LMO4: variants seen among roughly 807,000 people sequenced by gnomAD.
The protein encoded by LMO4 is LIM domain only 4, also known as LIM domain transcription factor LMO4.
Under a neutral mutation model 18.5 loss-of-function variants are expected in LMO4, and 3 were observed. The observed-to-expected ratio is 0.16, with a 90% CI of 0.07 to 0.42. The LOEUF (loss-of-function observed/expected upper bound fraction) is 0.42. LMO4 is among the 10% of genes least tolerant of loss of function. The probability of loss-of-function intolerance (pLI) is 0.99; values close to 1 mark genes in which losing one functional copy is unlikely to be tolerated. For synonymous variants in LMO4, 100 were observed against 88.1 expected (o/e 1.14, Z -0.76); for missense variants, 121 against 219.9 (o/e 0.55, Z 2.84).
rs969473985 is a variant in LMO4 at position 87,335,516 on chromosome 1, T to C, written c.236+3265T>C. On this transcript the variant is annotated intron_variant, in intron 2 of 4. Coordinates refer to ENST00000370544, the MANE Select transcript of LMO4 (RefSeq NM_006769.4). Reference sequence around the variant, plus strand: ...CGGGTCGCGCTTTCTTTCCCCGGGCTCCACTCGGGCGGTTCACGTGGCGCC... The same window carrying C: ...CGGGTCGCGCTTTCTTTCCCCGGGCCCCACTCGGGCGGTTCACGTGGCGCC... Among the ~76,000 whole-genome samples, 19 of 151,922 alleles carry C rather than the reference T, an allele frequency of 1.3e-4. 1 individual carries two copies. The highest frequency in any genetic ancestry group is 7.9e-4 in the Admixed American group (12 of 15,264).
At chr1:87,340,938 C>T (rs537556596) in intron 4 of LMO4, among the ~76,000 whole-genome samples, 22 of 152,168 alleles carry the variant, frequency 1.4e-4, no homozygotes, top group Non-Finnish European at 2.4e-4. Context: ...GAAGATATTC[C>T]AGAGGGAAAA....
rs1650674695 is a variant in LMO4, at chr1:87,347,712, ACT to A, written c.*2919_*2920del. 1 of 152,130 alleles carries A rather than the reference ACT, an allele frequency of 6.6e-6. No individual in the cohort carries two copies. Among genetic ancestry groups the A allele is most frequent in the South Asian group, 2.1e-4 (1 of 4,830 alleles). The allele number at this position is 152,130 out of a possible 1,614,324, so 9.4% of individuals were successfully genotyped here. A position where few individuals can be genotyped will look rare whatever the true frequency, so the allele number is the denominator to read the frequency against. On this transcript the variant is annotated 3_prime_UTR_variant, in exon 5 of 5. Coordinates refer to ENST00000370544, the MANE Select transcript of LMO4 (RefSeq NM_006769.4). ...AAATGTCTCAATCATGCAAATTGTC[ACT>A]CTTGTTAATGAAACAATTTTGTAAA...
chr1:87,343,664 A>G (rs1570269638), intron 4 of LMO4, among the ~76,000 whole-genome samples: 1 of 152,246 alleles, frequency 6.6e-6, no homozygotes. Flanking sequence ...GTGTGTGTCC[A>G]TCGTAGAAGA....
intron 2 of LMO4, 59 bp from the exon 3 acceptor site, chr1:87,339,477 C>G: frequency 7.8e-7 from 1 of 1,285,956 alleles, no homozygotes; most frequent in Non-Finnish European, 1.1e-6. Flanking sequence ...GGGTGTTTTT[C>G]TTTCTTTTTC....
chr1:87,339,694 G>A (rs1399610606), intron 3 of LMO4, 62 bp downstream of exon 3: 4 of 1,036,510 alleles, frequency 3.9e-6, no homozygotes, highest in East Asian at 5.1e-5. Context: ...ACCTACATGG[G>A]GGCAAAGCAT....
chr1:87,339,055 A>G (rs1268499592), intron 2 of LMO4, among the ~76,000 whole-genome samples: 1 of 152,198 alleles, frequency 6.6e-6, no homozygotes, highest in Non-Finnish European at 1.5e-5. Flanking sequence ...GTCTGCACTG[A>G]TGGAGGTTTA....
At chr1:87,333,501 C>G (rs1389474534) in intron 2 of LMO4, among the ~76,000 whole-genome samples, 1 of 152,088 alleles carries the variant, frequency 6.6e-6, no homozygotes, top group Non-Finnish European at 1.5e-5. Flanking sequence ...CCTTATCCTG[C>G]GACTAACATT....
At position 87,332,213 on chromosome 1, in the gene LMO4, C is replaced by G; in HGVS notation, c.198C>G (p.Thr66=). Residue 66 remains threonine, a synonymous_variant, in exon 2 of 5, where the codon ACC becomes ACG. Transcript: ENST00000370544. ...QLGDIGTSCY[T]KSGMILCRND... ...GCGACATCGGCACGTCCTGTTACACCAAAAGTGGCATGATCCTTTGCAGAA... is the reference window on the plus strand; with the variant it reads ...GCGACATCGGCACGTCCTGTTACACGAAAAGTGGCATGATCCTTTGCAGAA... The G allele has an allele frequency of 6.2e-7, 1 of 1,614,156 alleles. No individual in the cohort carries two copies. Among genetic ancestry groups the G allele is most frequent in the Non-Finnish European group, 8.5e-7 (1 of 1,179,980 alleles).
At chr1:87,342,199 T>C (rs944436263) in intron 4 of LMO4, among the ~76,000 whole-genome samples, 1 of 152,146 alleles carries the variant, frequency 6.6e-6, no homozygotes, top group Non-Finnish European at 1.5e-5. Flanking sequence ...AGAGATGAGA[T>C]GGAAAATGTT....
chr1:87,331,979 C>G (rs1650168326), intron 1 of LMO4, 34 bp from the exon 2 acceptor site: 2 of 1,561,366 alleles, frequency 1.3e-6, no homozygotes, highest in Non-Finnish European at 1.8e-6. Context: ...CCTGTTTTGT[C>G]TTTCTCTCCC....
In LMO4 at chr1:87,346,662, A is replaced by G. The variant is rs542490243; in HGVS notation, c.*1866A>G. ...TTCAGAGATTCCAGGGCAGGGGAAAAAAAAAATCAGTTGAACTTCAAACCT... is the reference window on the plus strand; with the variant it reads ...TTCAGAGATTCCAGGGCAGGGGAAAGAAAAAATCAGTTGAACTTCAAACCT... On this transcript the variant is annotated 3_prime_UTR_variant, in exon 5 of 5. Transcript: ENST00000370544. 1 of 152,294 alleles carries G rather than the reference A, an allele frequency of 6.6e-6. No homozygotes were observed. Among genetic ancestry groups the G allele is most frequent in the East Asian group, 1.9e-4 (1 of 5,182 alleles). 9.4% of individuals were successfully genotyped at this position (152,294 alleles called of 1,614,324 possible). A position where few individuals can be genotyped will look rare whatever the true frequency, so the allele number is the denominator to read the frequency against.
intron 1 of LMO4, chr1:87,331,752 C>G: frequency 2.0e-6 from 1 of 504,590 alleles, no homozygotes; most frequent in Non-Finnish European, 3.5e-6. Context: ...CTGAAATTGT[C>G]AGCGGCGGCA....
chr1:87,345,562 A>G lies in LMO4; in HGVS notation c.*766A>G, dbSNP rs1229621446. The stretch of plus-strand genomic sequence containing the variant: ...CTAGTATGGTGTATTTAAATAATAA[A>G]AACTTAAAAGAAAAAATATTTAATG... On this transcript the variant is annotated 3_prime_UTR_variant, in exon 5 of 5. Coordinates refer to ENST00000370544, the MANE Select transcript of LMO4 (RefSeq NM_006769.4). 6.6e-6 allele frequency: 1 copy of G among 152,208 alleles called. No homozygotes were observed. Among genetic ancestry groups the G allele is most frequent in the East Asian group, 1.9e-4 (1 of 5,200 alleles). The allele number at this position is 152,208 out of a possible 1,614,324, so 9.4% of individuals were successfully genotyped here.
rs1557618190 is a variant in LMO4 at position 87,346,805 on chromosome 1, CTGTT to C, written c.*2012_*2015del. On this transcript the variant is annotated 3_prime_UTR_variant, in exon 5 of 5. Coordinates refer to ENST00000370544, the MANE Select transcript of LMO4 (RefSeq NM_006769.4). ...ACATATATATGTTTGAATTAGATGT[CTGTT>C]TGAATTAGATCCTTGGGGAATTTCT... The C allele has an allele frequency of 6.6e-6, 1 of 152,186 alleles. No homozygotes were observed. The highest frequency in any genetic ancestry group is 6.5e-5 in the Admixed American group (1 of 15,280). 9.4% of individuals were successfully genotyped at this position (152,186 alleles called of 1,614,324 possible). A position where few individuals can be genotyped will look rare whatever the true frequency, so the allele number is the denominator to read the frequency against.
At chr1:87,336,891 G>C (rs1019892299) in intron 2 of LMO4, among the ~76,000 whole-genome samples, 2 of 152,112 alleles carry the variant, frequency 1.3e-5, no homozygotes, top group Non-Finnish European at 2.9e-5. Flanking sequence ...AGCACCTAAA[G>C]CCTCGAGCCT....
At position 87,345,879 on chromosome 1, in the gene LMO4, G is replaced by A. The variant is rs918806796; in HGVS notation, c.*1083G>A. The A allele has an allele frequency of 6.6e-6, 1 of 152,050 alleles. No individual in the cohort carries two copies. The highest frequency in any genetic ancestry group is 1.5e-5 in the Non-Finnish European group (1 of 68,010). The allele number at this position is 152,050 out of a possible 1,614,324, so 9.4% of individuals were successfully genotyped here. A position where few individuals can be genotyped will look rare whatever the true frequency, so the allele number is the denominator to read the frequency against. The stretch of plus-strand genomic sequence containing the variant: ...AAGTCTTTTGTGTTTATAAATACTT[G>A]AGTGTCCACTATTTTGTTTATTCTT... On this transcript the variant is annotated 3_prime_UTR_variant, in exon 5 of 5. Coordinates refer to ENST00000370544, the MANE Select transcript of LMO4 (RefSeq NM_006769.4).
rs576966074 is a variant in LMO4 at position 87,347,035 on chromosome 1, C to G, written c.*2239C>G. On this transcript the variant is annotated 3_prime_UTR_variant, in exon 5 of 5. Coordinates refer to ENST00000370544, the MANE Select transcript of LMO4 (RefSeq NM_006769.4). ...ATAACTTTAGTAAATAATATATTGT[C>G]GCATTTAATGATGTGGAGGGCTAAG... is the stretch of plus-strand genomic sequence containing the variant. 5 of 152,210 alleles carry G rather than the reference C, an allele frequency of 3.3e-5. No homozygotes were observed. The South Asian group carries it at 1.0e-3, about 32-fold the overall frequency. 9.4% of individuals were successfully genotyped at this position (152,210 alleles called of 1,614,324 possible).
In LMO4 at chr1:87,345,020, T is replaced by C; in HGVS notation, c.*224T>C. ...CCATGAACCTGGGCTAATGGGAGAC[T>C]GTAGAGAAAATGAAAAAAGATCCAC... On this transcript the variant is annotated 3_prime_UTR_variant, in exon 5 of 5. Transcript: ENST00000370544. 3 of 360,532 alleles carry C rather than the reference T, an allele frequency of 8.3e-6. No individual in the cohort carries two copies. Among genetic ancestry groups the C allele is most frequent in the Non-Finnish European group, 1.4e-5 (3 of 207,114 alleles). The allele number at this position is 360,532 out of a possible 1,614,324, so 22.3% of individuals were successfully genotyped here. A position where few individuals can be genotyped will look rare whatever the true frequency, so the allele number is the denominator to read the frequency against.
At position 87,345,981 on chromosome 1, in the gene LMO4, C is replaced by A. The variant is rs1422713717; in HGVS notation, c.*1185C>A. On this transcript the variant is annotated 3_prime_UTR_variant, in exon 5 of 5. Transcript: ENST00000370544. The stretch of plus-strand genomic sequence containing the variant: ...AAAAATACGGCACAACCATCCTGTT[C>A]TCTTATTGAGTTTATAGCTTTTGAA... 3 of 152,080 alleles carry A rather than the reference C, an allele frequency of 2.0e-5. No homozygotes were observed. The highest frequency in any genetic ancestry group is 4.4e-5 in the Non-Finnish European group (3 of 68,014). 9.4% of individuals were successfully genotyped at this position (152,080 alleles called of 1,614,324 possible).
Sources: gnomAD v4.1 joint callset for allele counts (sites outside exome capture counted in the v4.1 genomes callset) on GRCh38, gnomAD v4.1.1 for gene constraint, MANE v1.5 for transcripts, NCBI Gene and HGNC (gene_info 2026-07-23, HGNC 2026-07-21) for gene names.